SCIN: variants seen among roughly 807,000 people sequenced by gnomAD.
The protein encoded by SCIN is scinderin.
SCIN carries 91 observed loss-of-function variants against 91.8 expected under a neutral mutation model. The ratio of observed to expected loss-of-function variants is 0.99; its 90% CI spans 0.84 to 1.18. The LOEUF (loss-of-function observed/expected upper bound fraction) is 1.18, where lower values mean the gene tolerates loss of function less well. SCIN is among the 50% of genes most tolerant of loss of function. The pLI, the probability that SCIN is intolerant of heterozygous loss-of-function variation, is 0.00. For synonymous variants in SCIN, 367 were observed against 312.6 expected (o/e 1.17, Z -1.84); for missense variants, 1,087 against 863.9 (o/e 1.26, Z -3.24).
chr7:12,639,257 A>G (rs10281691), intron 10 of SCIN, among the ~76,000 whole-genome samples: 6,068 of 152,252 alleles, frequency 0.04, 389 homozygotes, highest in African/African-American at 0.14. Context: ...ATGAAATGCT[A>G]AGCTAACAGT....
chr7:12,600,191 G>A (rs923853757), intron 3 of SCIN, among the ~76,000 whole-genome samples: 1 of 152,162 alleles, frequency 6.6e-6, no homozygotes, highest in Non-Finnish European at 1.5e-5. Flanking sequence ...CGAAATAATG[G>A]CATTCGCATG....
rs1398604181 is a variant in SCIN, at chr7:12,629,212, A to T, written c.1309A>T (p.Ile437Phe). 2.4e-5 allele frequency: 38 copies of T among 1,610,350 alleles called. No individual in the cohort carries two copies. Among genetic ancestry groups the T allele is most frequent in the Non-Finnish European group, 3.1e-5 (37 of 1,178,856 alleles). The change falls in exon 9 of 16, where the codon ATC (isoleucine) becomes TTC (phenylalanine). Residue 437 changes from isoleucine (I) to phenylalanine (F), a missense_variant. Physicochemically the swap from Ile to Phe is conservative, Grantham distance 21. Coordinates refer to ENST00000297029, the MANE Select transcript of SCIN (RefSeq NM_001112706.3). ...CTACACCTATCCCAGAGGACAGATT[A>T]TCTACACGTGGTGAGTTTATACGGG... ...ILYTYPRGQI[I>F]YTWQGANATR...
chr7:12,598,993 A>T (rs1782901590), intron 3 of SCIN, among the ~76,000 whole-genome samples: 1 of 152,240 alleles, frequency 6.6e-6, no homozygotes, highest in African/African-American at 2.4e-5. Flanking sequence ...GCCATTTACA[A>T]TTAAAGTTAT....
intron 6 of SCIN, among the ~76,000 whole-genome samples, chr7:12,625,531 G>A (rs1329945060): frequency 2.1e-5 from 3 of 144,672 alleles, no homozygotes; most frequent in East Asian, 2.0e-4. Flanking sequence ...GGCTTTCACC[G>A]TGTTAGCCAG....
chr7:12,578,326 A>G (rs1782417656), intron 2 of SCIN, 108 bp downstream of exon 2: 2 of 1,032,724 alleles, frequency 1.9e-6, no homozygotes, highest in Admixed American at 7.0e-5. Context: ...TTTTTGTTTT[A>G]TTTGCTTTTG....
intron 3 of SCIN, among the ~76,000 whole-genome samples, chr7:12,594,042 C>A (rs760028665): frequency 2.6e-5 from 4 of 152,104 alleles, no homozygotes; most frequent in Non-Finnish European, 5.9e-5. Flanking sequence ...GAGAAAGGGA[C>A]GTGGACATGG....
chr7:12,593,809 G>A (rs949316743), intron 3 of SCIN, among the ~76,000 whole-genome samples: 14 of 152,242 alleles, frequency 9.2e-5, no homozygotes, highest in East Asian at 1.9e-4. Context: ...CAGCTCCTAC[G>A]GGCTTAGTAG....
chr7:12,632,263 T>C (rs1247538010), intron 9 of SCIN, among the ~76,000 whole-genome samples: 3 of 151,916 alleles, frequency 2.0e-5, no homozygotes, highest in Admixed American at 2.0e-4. Flanking sequence ...CCCGAGTACC[T>C]GGGATTAGAG....
chr7:12,644,395 C>T, intron 12 of SCIN, 80 bp downstream of exon 12: 1 of 1,487,814 alleles, frequency 6.7e-7, no homozygotes, highest in Non-Finnish European at 9.0e-7. Context: ...ACCAAAAAGT[C>T]ACTTTCTAAT....
At chr7:12,572,663 G>T (rs13241406) in intron 1 of SCIN, among the ~76,000 whole-genome samples, 2 of 152,282 alleles carry the variant, frequency 1.3e-5, no homozygotes, top group Non-Finnish European at 1.5e-5. Flanking sequence ...AGGGTTTACA[G>T]ATTCACCTTA....
intron 5 of SCIN, 137 bp from the exon 6 acceptor site, chr7:12,624,873 C>G: frequency 1.4e-6 from 1 of 702,210 alleles, no homozygotes; most frequent in Non-Finnish European, 2.1e-6. Context: ...CCATAAAATT[C>G]TTGCATTTAA....
intron 3 of SCIN, among the ~76,000 whole-genome samples, chr7:12,590,339 A>G (rs1213895113): frequency 1.3e-5 from 2 of 152,018 alleles, no homozygotes; most frequent in Non-Finnish European, 2.9e-5. Flanking sequence ...ATGTGTAGGG[A>G]TGGAGGGAGA....
At chr7:12,578,010 G>T in intron 1 of SCIN, 54 bp from the exon 2 acceptor site, 1 of 1,452,928 alleles carries the variant, frequency 6.9e-7, no homozygotes. Context: ...CAGAAATTCT[G>T]CCTTAATCCT....
intron 13 of SCIN, 34 bp downstream of exon 13, chr7:12,644,739 G>A (rs543788419): frequency 6.5e-7 from 1 of 1,544,064 alleles, no homozygotes. Context: ...GATAGGGCTG[G>A]TTGCGGTGGC....
chr7:12,644,220 GA>G lies in SCIN; in HGVS notation c.1668del (p.Gly557ValfsTer13). On this transcript the variant is annotated frameshift_variant, in exon 12 of 16. Coordinates refer to ENST00000297029, the MANE Select transcript of SCIN (RefSeq NM_001112706.3). LOFTEE classifies it high-confidence loss of function. ...CAAAATAGTGGCTACATCTGGGTAG[GA>G]AAAGGTGCTAGCCAGGAGGAGGAGA... ...LPQNSGYIWV[G>X]KGASQEEEKG... The G allele has an allele frequency of 6.2e-7, 1 of 1,611,238 alleles. No individual in the cohort carries two copies. The highest frequency in any genetic ancestry group is 1.1e-5 in the South Asian group (1 of 90,394).
At chr7:12,629,360 C>T in intron 9 of SCIN, 138 bp downstream of exon 9, 1 of 796,070 alleles carries the variant, frequency 1.3e-6, no homozygotes, top group South Asian at 3.4e-5. Context: ...ATAGTATTTT[C>T]TTTTTACATG....
At chr7:12,609,536 C>A (rs192487356) in intron 4 of SCIN, among the ~76,000 whole-genome samples, 1,527 of 151,584 alleles carry the variant, frequency 0.01, 20 homozygotes, top group African/African-American at 0.035. Flanking sequence ...ACAAAAAAAA[C>A]CCCAAGGAAA....
chr7:12,608,765 A>C (rs1783133030), intron 4 of SCIN, among the ~76,000 whole-genome samples: 1 of 152,132 alleles, frequency 6.6e-6, no homozygotes, highest in African/African-American at 2.4e-5. Flanking sequence ...ATGTGAGCCT[A>C]CGCACCCGGC....
intron 4 of SCIN, among the ~76,000 whole-genome samples, chr7:12,616,908 CTT>C (rs1328110346): frequency 1.3e-5 from 2 of 152,080 alleles, no homozygotes; most frequent in African/African-American, 4.8e-5. Flanking sequence ...GCATAAAAGA[CTT>C]TTCTCCAGGT....
Sources: gnomAD v4.1 joint callset for allele counts (sites outside exome capture counted in the v4.1 genomes callset) on GRCh38, gnomAD v4.1.1 for gene constraint, MANE v1.5 for transcripts, NCBI Gene and HGNC (gene_info 2026-07-23, HGNC 2026-07-21) for gene names.